The following ATP10D variants were observed in gnomAD, a reference collection of about 807,000 sequenced individuals.
The protein encoded by ATP10D is ATPase phospholipid transporting 10D (putative), also known as phospholipid-transporting ATPase VD.
Under a neutral mutation model 144.8 loss-of-function variants are expected in ATP10D, and 89 were observed. The ratio of observed to expected loss-of-function variants is 0.61; its 90% CI spans 0.52 to 0.73. The LOEUF is 0.73. Ranked by LOEUF, ATP10D falls within the 30% of genes least tolerant of loss-of-function variation. The probability of loss-of-function intolerance (pLI) is 0.00; values close to 1 mark genes in which losing one functional copy is unlikely to be tolerated. For missense variants in ATP10D, 1,603 were observed against 1,714.8 expected (o/e 0.93, Z 1.15); for synonymous variants, 571 against 615.1 (o/e 0.93, Z 1.06).
At chr4:47,529,641 T>C (rs973879868) in intron 5 of ATP10D, among the ~76,000 whole-genome samples, 2 of 152,092 alleles carry the variant, frequency 1.3e-5, no homozygotes, top group Admixed American at 1.3e-4. Context: ...TTTTGGTTCC[T>C]TATGATTTTA....
rs754230088 is a variant in ATP10D, at chr4:47,559,015, T to C, written c.2527T>C (p.Cys843Arg). Residue 843 changes from cysteine to arginine, a missense_variant, in exon 13 of 23, where the codon TGT becomes CGT. Physicochemically the swap from Cys to Arg is radical, Grantham distance 180. Coordinates refer to ENST00000273859, the MANE Select transcript of ATP10D (RefSeq NM_020453.4). The part of the protein sequence containing the change: ...DYAKQGLRTL[C>R]IAKKVMSDTE... ...TGCCAAACAAGGCCTTCGTACTTTATGTATAGCAAAGAAGGTGAGACTGCT... is the reference window on the plus strand; with the variant it reads ...TGCCAAACAAGGCCTTCGTACTTTACGTATAGCAAAGAAGGTGAGACTGCT... The C allele has an allele frequency of 1.2e-6, 2 of 1,613,778 alleles. No individual in the cohort carries two copies. Among genetic ancestry groups the C allele is most frequent in the Non-Finnish European group, 8.5e-7 (1 of 1,179,806 alleles).
intron 1 of ATP10D, among the ~76,000 whole-genome samples, chr4:47,497,111 G>A (rs1715428006): frequency 1.3e-5 from 2 of 152,064 alleles, no homozygotes; most frequent in South Asian, 4.2e-4. Context: ...GAATTGCTGG[G>A]ATTACAGGCG....
chr4:47,539,458 TTTTAATGC>T (rs1438412695), intron 9 of ATP10D, among the ~76,000 whole-genome samples: 3 of 152,222 alleles, frequency 2.0e-5, no homozygotes, highest in Non-Finnish European at 2.9e-5. Flanking sequence ...ACTGTTAGCA[TTTTAATGC>T]ACTTTTGGGG....
At chr4:47,567,168 CTA>C (rs1348786040) in intron 15 of ATP10D, among the ~76,000 whole-genome samples, 3 of 152,150 alleles carry the variant, frequency 2.0e-5, no homozygotes, top group African/African-American at 7.2e-5. Flanking sequence ...AAATGTCACT[CTA>C]TGACATGTAA....
At chr4:47,587,409 T>G (rs1308193093) in intron 22 of ATP10D, among the ~76,000 whole-genome samples, 3 of 152,176 alleles carry the variant, frequency 2.0e-5, no homozygotes, top group Admixed American at 6.5e-5. Flanking sequence ...CTGATTTATC[T>G]CTCATGAAAA....
chr4:47,582,073 T>C lies in ATP10D; in HGVS notation c.3753+9T>C, dbSNP rs1354388051. On this transcript the variant is annotated intron_variant, in intron 21 of 22. Transcript: ENST00000273859. The stretch of plus-strand genomic sequence containing the variant: ...TTGAAAGCAAGAGTTTGGTGAGTGG[T>C]TTTCTTGCCTCTGAAGTAGCCTAAA... The C allele has an allele frequency of 1.9e-6, 3 of 1,601,738 alleles. No homozygotes were observed. The African/African-American group carries it at 4.0e-5, about 21-fold the overall frequency.
At chr4:47,501,799 T>C (rs1715693672) in intron 1 of ATP10D, among the ~76,000 whole-genome samples, 1 of 152,248 alleles carries the variant, frequency 6.6e-6, no homozygotes. Flanking sequence ...TAACCTGTTA[T>C]ATGTCTATAA....
intron 16 of ATP10D, among the ~76,000 whole-genome samples, chr4:47,570,453 G>A (rs1298650420): frequency 6.6e-6 from 1 of 152,182 alleles, no homozygotes; most frequent in Non-Finnish European, 1.5e-5. Context: ...GAGAATAAAA[G>A]TCTGGAATTT....
chr4:47,576,582 A>C (rs754899475), intron 18 of ATP10D, among the ~76,000 whole-genome samples, 191 bp from the exon 19 acceptor site: 6 of 152,212 alleles, frequency 3.9e-5, no homozygotes, highest in Non-Finnish European at 8.8e-5. Flanking sequence ...GTGTGTGTAC[A>C]TACATGTGTG....
chr4:47,552,737 G>T (rs1577676878), intron 10 of ATP10D, among the ~76,000 whole-genome samples: 1 of 152,108 alleles, frequency 6.6e-6, no homozygotes, highest in East Asian at 1.9e-4. Flanking sequence ...CTTATGTTCT[G>T]AACCAATTAT....
At chr4:47,571,727 C>T (rs1457126562) in intron 16 of ATP10D, among the ~76,000 whole-genome samples, 2 of 152,052 alleles carry the variant, frequency 1.3e-5, no homozygotes, top group Admixed American at 1.3e-4. Flanking sequence ...GAAAGGGCAT[C>T]TGATCTTTAA....
intron 1 of ATP10D, among the ~76,000 whole-genome samples, chr4:47,510,139 C>T (rs1292918634): frequency 6.6e-6 from 1 of 151,952 alleles, no homozygotes; most frequent in Non-Finnish European, 1.5e-5. Context: ...GGATTTTCAT[C>T]ATATGTTAAT....
At chr4:47,518,288 T>A (rs1426312250) in intron 3 of ATP10D, among the ~76,000 whole-genome samples, 1 of 152,170 alleles carries the variant, frequency 6.6e-6, no homozygotes, top group Non-Finnish European at 1.5e-5. Flanking sequence ...AAAAGTATCA[T>A]TTGGAATAAC....
At chr4:47,505,393 G>T (rs950418376) in intron 1 of ATP10D, among the ~76,000 whole-genome samples, 1 of 152,168 alleles carries the variant, frequency 6.6e-6, no homozygotes. Context: ...AGACTCCTGA[G>T]CCCCATCCCA....
chr4:47,508,473 A>G (rs940563985), intron 1 of ATP10D, among the ~76,000 whole-genome samples: 4 of 152,224 alleles, frequency 2.6e-5, no homozygotes, highest in African/African-American at 7.2e-5. Flanking sequence ...TTGACTATTA[A>G]TCGTGTTTCA....
At chr4:47,534,399 C>A (rs1279002308) in intron 5 of ATP10D, among the ~76,000 whole-genome samples, 2 of 152,132 alleles carry the variant, frequency 1.3e-5, no homozygotes, top group Non-Finnish European at 2.9e-5. Flanking sequence ...TACATACATA[C>A]ACACACAAAA....
chr4:47,561,466 A>G (rs73237102), intron 14 of ATP10D, among the ~76,000 whole-genome samples: 19,850 of 152,144 alleles, frequency 0.13, 1,641 homozygotes, highest in Non-Finnish European at 0.19. Flanking sequence ...ACAAATCTCT[A>G]TCTTATGTAG....
chr4:47,532,944 G>T (rs116016675), intron 5 of ATP10D, among the ~76,000 whole-genome samples: 1 of 152,108 alleles, frequency 6.6e-6, no homozygotes, highest in Admixed American at 6.6e-5. Flanking sequence ...GTGACAGCCA[G>T]TGCCTCATAC....
chr4:47,588,739 A>G (rs555751814), intron 22 of ATP10D, among the ~76,000 whole-genome samples: 10 of 152,216 alleles, frequency 6.6e-5, no homozygotes, highest in South Asian at 2.1e-4. Flanking sequence ...AGATACTTCT[A>G]TAGTGCTCAC....
Sources: allele counts gnomAD v4.1 joint callset (sites outside exome capture counted in the v4.1 genomes callset), GRCh38; gene constraint gnomAD v4.1.1; transcripts MANE v1.5; gene names NCBI Gene and HGNC (gene_info 2026-07-23, HGNC 2026-07-21).